Variants in CAMK1G observed in about 807,000 individuals in gnomAD.
CAMK1G encodes calcium/calmodulin dependent protein kinase IG.
A neutral mutation model predicts 54.8 loss-of-function variants in CAMK1G; 27 were observed. The ratio of observed to expected loss-of-function variants is 0.49; its 90% confidence interval spans 0.36 to 0.68. The LOEUF is 0.68. Ranked by LOEUF, CAMK1G falls within the 30% of genes least tolerant of loss-of-function variation. CAMK1G has a pLI of 0.00. For synonymous variants in CAMK1G, 238 were observed against 224.9 expected (o/e 1.06, Z -0.52); for missense variants, 512 against 591.0 (o/e 0.87, Z 1.39).
intron 2 of CAMK1G, 63 bp from the exon 3 acceptor site, chr1:209,599,920 A>C: frequency 6.3e-7 from 1 of 1,595,402 alleles, no homozygotes. Flanking sequence ...CTGAGGTCTT[A>C]CATCTGGAAG....
At chr1:209,603,127 C>A in intron 3 of CAMK1G, 87 bp from the exon 4 acceptor site, 1 of 1,301,502 alleles carries the variant, frequency 7.7e-7, no homozygotes, top group South Asian at 1.2e-5. Context: ...TCAAAAGCCT[C>A]CAACAGAAAC....
chr1:209,610,774 C>T (rs949301701), intron 9 of CAMK1G, among the ~76,000 whole-genome samples: 1 of 152,160 alleles, frequency 6.6e-6, no homozygotes, highest in Non-Finnish European at 1.5e-5. Context: ...ATGAACAACA[C>T]CCGACATCTA....
intron 11 of CAMK1G, 76 bp downstream of exon 11, chr1:209,612,292 A>G: frequency 6.7e-7 from 1 of 1,494,248 alleles, no homozygotes; most frequent in Non-Finnish European, 9.1e-7. Flanking sequence ...AAAGAAATGG[A>G]CACAAAGGCC....
chr1:209,586,259 A>G (rs1290695457), intron 1 of CAMK1G, among the ~76,000 whole-genome samples: 1 of 151,106 alleles, frequency 6.6e-6, no homozygotes, highest in Non-Finnish European at 1.5e-5. Flanking sequence ...TGTGACACAC[A>G]GTCAGCGTTA....
chr1:209,609,856 G>A lies in CAMK1G; in HGVS notation c.754G>A (p.Asp252Asn). 6.2e-7 allele frequency: 1 copy of A among 1,614,066 alleles called. No homozygotes were observed. Among genetic ancestry groups the A allele is most frequent in the Non-Finnish European group, 8.5e-7 (1 of 1,180,002 alleles). ...TCTTTGATTACTCCCCTTAGCCAAG[G>A]ACTTTATTTGCCACTTGCTTGAGAA... ...FWDDISESAK[D>N]FICHLLEKDP... The change falls in exon 9 of 13, where the codon GAC becomes AAC. Residue 252 changes from aspartate (D) to asparagine (N), a missense_variant. This residue lies in a region of CAMK1G where 315 missense variants were observed against 330.5 expected (regional missense o/e 0.95). Coordinates refer to ENST00000361322, the MANE Select transcript of CAMK1G (RefSeq NM_020439.3).
Position 209,613,053 on chromosome 1 carries a change from C to G in CAMK1G, c.*51C>G. ...TTTCTCTTGCAGGAGACATATTCAA[C>G]TCCTCTGCTCTTCCAAACCTGGTGT... On this transcript the variant is annotated 3_prime_UTR_variant, in exon 13 of 13. Coordinates refer to ENST00000361322, the MANE Select transcript of CAMK1G (RefSeq NM_020439.3). 1 of 562,246 alleles carries G rather than the reference C, an allele frequency of 1.8e-6. No homozygotes were observed. The highest frequency in any genetic ancestry group is 3.2e-6 in the Non-Finnish European group (1 of 310,044). 34.8% of individuals were successfully genotyped at this position (562,246 alleles called of 1,614,324 possible). A position where few individuals can be genotyped will look rare whatever the true frequency, so the allele number is the denominator to read the frequency against.
At chr1:209,596,662 C>A (rs1367676068) in intron 2 of CAMK1G, among the ~76,000 whole-genome samples, 7 of 3,490 alleles carry the variant, frequency 2.0e-3, no homozygotes, top group Admixed American at 8.5e-3. Context: ...ACACACACAC[C>A]ACACACACAC....
intron 2 of CAMK1G, among the ~76,000 whole-genome samples, chr1:209,596,498 C>T (rs1210651945): frequency 1.3e-5 from 2 of 152,092 alleles, no homozygotes; most frequent in African/African-American, 2.4e-5. Flanking sequence ...GGGAGAACAT[C>T]GGAGTCATCT....
chr1:209,597,054 G>A (rs983493836), intron 2 of CAMK1G, among the ~76,000 whole-genome samples: 2 of 152,202 alleles, frequency 1.3e-5, no homozygotes, highest in African/African-American at 2.4e-5. Flanking sequence ...AGAGCTGAGC[G>A]AAAGAGAAGA....
chr1:209,608,755 A>T (rs1157503972), intron 7 of CAMK1G, among the ~76,000 whole-genome samples: 1 of 152,234 alleles, frequency 6.6e-6, no homozygotes, highest in Non-Finnish European at 1.5e-5. Context: ...TAATGTACAC[A>T]GGGACCTTCT....
intron 1 of CAMK1G, among the ~76,000 whole-genome samples, chr1:209,593,908 G>T (rs944387950): frequency 6.6e-6 from 1 of 151,962 alleles, no homozygotes; most frequent in African/African-American, 2.4e-5. Context: ...TTTATTGTCC[G>T]CCCCTGCCTG....
At chr1:209,584,435 A>G (rs1359269714) in intron 1 of CAMK1G, among the ~76,000 whole-genome samples, 1 of 152,128 alleles carries the variant, frequency 6.6e-6, no homozygotes, top group Non-Finnish European at 1.5e-5. Flanking sequence ...GTCAGTCACA[A>G]GACAGCTTCC....
Position 209,607,865 on chromosome 1 carries a change from A to G in CAMK1G, c.567A>G (p.Glu189=), listed in dbSNP as rs1175576698. Residue 189 remains glutamate (E), a synonymous_variant, in exon 7 of 13, where the codon GAA becomes GAG. Transcript: ENST00000361322. ...GCCCTTGGTCTGCTGCAGCTCCAGA[A>G]GTGCTGGCCCAGAAACCCTACAGCA... ...ACGTPGYVAP[E]VLAQKPYSKA... The G allele has an allele frequency of 1.2e-6, 2 of 1,613,070 alleles. No individual in the cohort carries two copies. Among genetic ancestry groups the G allele is most frequent in the Admixed American group, 1.7e-5 (1 of 59,836 alleles).
At chr1:209,586,453 C>A (rs1389593917) in intron 1 of CAMK1G, among the ~76,000 whole-genome samples, 1 of 152,108 alleles carries the variant, frequency 6.6e-6, no homozygotes, top group African/African-American at 2.4e-5. Flanking sequence ...TCTTTAAACA[C>A]TTTAGAAACA....
At chr1:209,607,829 G>T (rs1282836970) in intron 6 of CAMK1G, 29 bp from the exon 7 acceptor site, 2 of 1,603,006 alleles carry the variant, frequency 1.2e-6, no homozygotes. Flanking sequence ...CTTGCCACCA[G>T]CCCTGACTCT....
chr1:209,595,370 C>T (rs977498305), intron 2 of CAMK1G, among the ~76,000 whole-genome samples: 1 of 152,080 alleles, frequency 6.6e-6, no homozygotes, highest in African/African-American at 2.4e-5. Context: ...TGCAGTGAAC[C>T]GAGATTGCGC....
At chr1:209,611,367 C>T in intron 9 of CAMK1G, 98 bp from the exon 10 acceptor site, 3 of 1,036,980 alleles carry the variant, frequency 2.9e-6, no homozygotes, top group Non-Finnish European at 2.9e-6. Flanking sequence ...TCTGCACACT[C>T]TACCCAGCTC....
At chr1:209,596,133 G>A (rs539553014) in intron 2 of CAMK1G, among the ~76,000 whole-genome samples, 5 of 152,356 alleles carry the variant, frequency 3.3e-5, no homozygotes, top group South Asian at 2.1e-4. Flanking sequence ...GCCCACACTC[G>A]TGCCGTAGAC....
intron 1 of CAMK1G, among the ~76,000 whole-genome samples, chr1:209,588,370 TGG>T (rs1168432079): frequency 1.3e-4 from 5 of 38,292 alleles, no homozygotes; most frequent in African/African-American, 4.7e-4. Context: ...TGGATTGGAT[TGG>T]ATTGGATTGG....
Sources: gnomAD v4.1 joint callset for allele counts (sites outside exome capture counted in the v4.1 genomes callset) on GRCh38, gnomAD v4.1.1 for gene constraint, gnomAD v4.1.1 regional missense constraint, MANE v1.5 for transcripts, NCBI Gene and HGNC (gene_info 2026-07-23, HGNC 2026-07-21) for gene names.